Variants in CDC42SE2 observed in about 807,000 individuals in gnomAD.
The protein encoded by CDC42SE2 is CDC42 small effector 2, also known as CDC42 small effector protein 2.
In CDC42SE2, 3 loss-of-function variants were observed where a neutral mutation model predicts 11.5. The observed-to-expected ratio is 0.26, with a 90% confidence interval of 0.12 to 0.67. The LOEUF (loss-of-function observed/expected upper bound fraction) is 0.67. Ranked by LOEUF, CDC42SE2 falls within the 30% of genes least tolerant of loss-of-function variation. The pLI is 0.80. For synonymous variants in CDC42SE2, 33 were observed against 34.8 expected, an observed-to-expected ratio of 0.95 and a Z score of 0.18; for missense variants, 82 against 106.8, an observed-to-expected ratio of 0.77 and a Z score of 1.02.
At chr5:131,357,156 G>T (rs1178844636) in intron 2 of CDC42SE2, among the ~76,000 whole-genome samples, 1 of 152,194 alleles carries the variant, frequency 6.6e-6, no homozygotes, top group Non-Finnish European at 1.5e-5. Flanking sequence ...CCTTGATTTA[G>T]AGTTTGGGTA....
intron 2 of CDC42SE2, among the ~76,000 whole-genome samples, chr5:131,345,561 C>T (rs1480277713): frequency 2.6e-5 from 4 of 152,232 alleles, no homozygotes; most frequent in Admixed American, 1.3e-4. Flanking sequence ...TGGAACCAAG[C>T]TGGAAAACAC....
chr5:131,358,687 A>T (rs929306729), intron 2 of CDC42SE2, among the ~76,000 whole-genome samples: 2 of 152,060 alleles, frequency 1.3e-5, no homozygotes, highest in African/African-American at 2.4e-5. Context: ...AGCCAACTTA[A>T]CCTCTACCCA....
intron 2 of CDC42SE2, among the ~76,000 whole-genome samples, chr5:131,355,915 G>C (rs944979991): frequency 1.3e-5 from 2 of 152,142 alleles, no homozygotes; most frequent in African/African-American, 4.8e-5. Flanking sequence ...AAAAGGAGGA[G>C]GGGAACTGAT....
chr5:131,323,969 T>A (rs1258914791), intron 2 of CDC42SE2, among the ~76,000 whole-genome samples: 2 of 152,134 alleles, frequency 1.3e-5, no homozygotes, highest in Non-Finnish European at 2.9e-5. Context: ...GTCTTTAAAT[T>A]TTTTCCTGCT....
chr5:131,337,386 G>C (rs1483749500), intron 2 of CDC42SE2, among the ~76,000 whole-genome samples: 6 of 152,166 alleles, frequency 3.9e-5, no homozygotes, highest in African/African-American at 1.4e-4. Flanking sequence ...CCTACTGGGG[G>C]GTGCCTCCCA....
chr5:131,265,421 C>A (rs1334239382), intron 1 of CDC42SE2, among the ~76,000 whole-genome samples: 2 of 152,084 alleles, frequency 1.3e-5, no homozygotes, highest in Admixed American at 6.6e-5. Flanking sequence ...GGTCTTGCTG[C>A]TTTTTGAGCA....
intron 3 of CDC42SE2, among the ~76,000 whole-genome samples, chr5:131,380,501 C>A (rs1750290829): frequency 6.6e-6 from 1 of 152,172 alleles, no homozygotes; most frequent in African/African-American, 2.4e-5. Context: ...TAAATGTCCA[C>A]ATTGTGCCTT....
chr5:131,323,996 A>C (rs1758247430), intron 2 of CDC42SE2, among the ~76,000 whole-genome samples: 1 of 152,182 alleles, frequency 6.6e-6, no homozygotes, highest in Non-Finnish European at 1.5e-5. Flanking sequence ...AGAAAATTTT[A>C]GGGGTGTGAG....
intron 1 of CDC42SE2, among the ~76,000 whole-genome samples, chr5:131,289,408 C>T (rs553060360): frequency 1.5e-4 from 23 of 152,206 alleles, no homozygotes; most frequent in Non-Finnish European, 2.2e-4. Flanking sequence ...TGCAGTGGCT[C>T]ACGCCTGTAA....
At chr5:131,312,146 T>A (rs973502483) in intron 1 of CDC42SE2, among the ~76,000 whole-genome samples, 5 of 152,148 alleles carry the variant, frequency 3.3e-5, no homozygotes, top group Non-Finnish European at 7.4e-5. Flanking sequence ...TTTTGTTTGT[T>A]AGTTTTCCTT....
At chr5:131,295,977 A>C (rs1757564030) in intron 1 of CDC42SE2, among the ~76,000 whole-genome samples, 1 of 152,000 alleles carries the variant, frequency 6.6e-6, no homozygotes, top group East Asian at 1.9e-4. Context: ...GAGCCACCGC[A>C]CCCGGCCAAC....
intron 1 of CDC42SE2, among the ~76,000 whole-genome samples, chr5:131,271,905 A>G (rs1321909521): frequency 6.6e-6 from 1 of 152,140 alleles, no homozygotes; most frequent in Non-Finnish European, 1.5e-5. Context: ...GAAGTTGAGC[A>G]TGCTTTGAGG....
At chr5:131,340,687 C>A (rs1213973843) in intron 2 of CDC42SE2, among the ~76,000 whole-genome samples, 1 of 146,618 alleles carries the variant, frequency 6.8e-6, no homozygotes, top group Non-Finnish European at 1.5e-5. Context: ...GTTTGAGTAT[C>A]TTTTTTTTTT....
intron 2 of CDC42SE2, among the ~76,000 whole-genome samples, chr5:131,256,778 C>T (rs1201320161): frequency 6.6e-6 from 1 of 152,226 alleles, no homozygotes; most frequent in African/African-American, 2.4e-5. Context: ...GCATCACGTT[C>T]TTTTCATTCT....
the CDC42SE2 span, among the ~76,000 whole-genome samples, chr5:131,227,221 G>A: frequency 6.6e-6 from 1 of 151,992 alleles, no homozygotes; most frequent in Non-Finnish European, 1.5e-5. Flanking sequence ...CTATGATTAT[G>A]CCAATGCACT....
At chr5:131,242,406 G>C (rs570429015), upstream of CDC42SE2, among the ~76,000 whole-genome samples, 21 of 152,204 alleles carry the variant, frequency 1.4e-4, no homozygotes, top group African/African-American at 4.6e-4. Context: ...GTCAACAGCT[G>C]AGAATCATAA....
chr5:131,349,611 G>T (rs1209699332), intron 2 of CDC42SE2, among the ~76,000 whole-genome samples: 4 of 152,150 alleles, frequency 2.6e-5, no homozygotes, highest in African/African-American at 9.7e-5. Context: ...TGTCGTTCAA[G>T]GGTCAACTGT....
Position 131,385,675 on chromosome 5 carries a change from G to C in CDC42SE2, c.156+31G>C. 3.0e-6 allele frequency: 4 copies of C among 1,349,204 alleles called. No individual in the cohort carries two copies. The South Asian group carries it at 3.6e-5, about 12-fold the overall frequency. The allele number at this position is 1,349,204 out of a possible 1,614,324, so 83.6% of individuals were successfully genotyped here. ...TATGTTGGTGGGACATGCAGGTAGGGCATTGGGGCATAGTCATATGAAACC... is the reference window on the plus strand; with the variant it reads ...TATGTTGGTGGGACATGCAGGTAGGCCATTGGGGCATAGTCATATGAAACC... On this transcript the variant is annotated intron_variant, in intron 4 of 4. Transcript: ENST00000505065.
chr5:131,309,657 T>C (rs1053055691), intron 1 of CDC42SE2, among the ~76,000 whole-genome samples: 5 of 152,038 alleles, frequency 3.3e-5, no homozygotes, highest in African/African-American at 1.2e-4. Flanking sequence ...ATTCAACTTC[T>C]TCCTGGTTTA....
Sources: gnomAD v4.1 joint callset for allele counts (sites outside exome capture counted in the v4.1 genomes callset) on GRCh38, gnomAD v4.1.1 for gene constraint, MANE v1.5 for transcripts, NCBI Gene and HGNC (gene_info 2026-07-23, HGNC 2026-07-21) for gene names.